CEMIP: variants seen among roughly 807,000 people sequenced by gnomAD.
The protein encoded by CEMIP is cell migration inducing hyaluronidase 1, also known as cell migration-inducing and hyaluronan-binding protein.
In CEMIP, 105 loss-of-function variants were observed where a neutral mutation model predicts 156.9. The observed-to-expected ratio is 0.67, with a 90% CI of 0.57 to 0.79. The LOEUF (loss-of-function observed/expected upper bound fraction) is 0.79, where lower values mean the gene tolerates loss of function less well. Among genes scored for constraint, CEMIP ranks in the 30% least tolerant of loss-of-function variants. CEMIP has a pLI of 0.00. For synonymous variants in CEMIP, 676 were observed against 668.4 expected (o/e 1.01, Z -0.17); for missense variants, 1,457 against 1,769.4 (o/e 0.82, Z 3.17).
intron 25 of CEMIP, among the ~76,000 whole-genome samples, chr15:80,940,986 C>T (rs1440158027): frequency 6.6e-6 from 1 of 152,246 alleles, no homozygotes; most frequent in East Asian, 1.9e-4. Flanking sequence ...GTGGACAAGA[C>T]CTGCTGGGTC....
intron 7 of CEMIP, among the ~76,000 whole-genome samples, chr15:80,886,950 C>G (rs959672457): frequency 6.6e-6 from 1 of 152,162 alleles, no homozygotes; most frequent in African/African-American, 2.4e-5. Context: ...TCAGAAACTC[C>G]TTCCTGCCAT....
In CEMIP at chr15:80,922,346, C is replaced by T. The variant is rs186850897; in HGVS notation, c.2202+209C>T. ...CAAATCTCCTGTGGTGGTTCCTGCA[C>T]GGGCATGGACTGAGAATATGGCCAG... is the stretch of plus-strand genomic sequence containing the variant. On this transcript the variant is annotated intron_variant, in intron 17 of 29. Coordinates refer to ENST00000394685, the MANE Select transcript of CEMIP (RefSeq NM_001293298.2). 2.1e-4 allele frequency among the ~76,000 whole-genome samples: 32 copies of T among 152,338 alleles called. No individual in the cohort carries two copies. In the East Asian group the frequency reaches 4.0e-3, roughly 19 times the overall value.
At chr15:80,886,668 C>T (rs903218397) in intron 7 of CEMIP, among the ~76,000 whole-genome samples, 22 of 152,114 alleles carry the variant, frequency 1.4e-4, no homozygotes, top group African/African-American at 3.1e-4. Context: ...AAGTTTTAAA[C>T]GACATGGGAG....
At chr15:80,938,047 T>G (rs1474626954) in intron 25 of CEMIP, 68 bp downstream of exon 25, 1 of 1,337,264 alleles carries the variant, frequency 7.5e-7, no homozygotes, top group Non-Finnish European at 1.1e-6. Context: ...GCCTTTCCAA[T>G]AAGTCTAAGA....
At chr15:80,872,812 T>TTAATAAAATAAAATAAAA (rs1262514996) in intron 1 of CEMIP, among the ~76,000 whole-genome samples, 9 of 152,172 alleles carry the variant, frequency 5.9e-5, no homozygotes, top group African/African-American at 1.7e-4. Context: ...AGACTCTGTC[T>TTAATAAAATAAAATAAAA]TAATAAAATA....
chr15:80,916,526 C>G (rs1900280943), intron 14 of CEMIP, among the ~76,000 whole-genome samples: 1 of 152,206 alleles, frequency 6.6e-6, no homozygotes, highest in Non-Finnish European at 1.5e-5. Context: ...ACTGAATGGC[C>G]ACCCGTGAAT....
intron 1 of CEMIP, among the ~76,000 whole-genome samples, chr15:80,868,955 A>G (rs1309812260): frequency 6.6e-6 from 1 of 152,196 alleles, no homozygotes; most frequent in Non-Finnish European, 1.5e-5. Context: ...GGCTGCCATA[A>G]CAAAGTAGCA....
At chr15:80,857,345 C>T (rs887218717) in intron 1 of CEMIP, among the ~76,000 whole-genome samples, 58 of 152,232 alleles carry the variant, frequency 3.8e-4, no homozygotes, top group African/African-American at 1.3e-3. Context: ...GGGGCTCATT[C>T]ATGGGCTGCA....
At chr15:80,888,177 A>G (rs1898914313) in intron 8 of CEMIP, among the ~76,000 whole-genome samples, 1 of 152,072 alleles carries the variant, frequency 6.6e-6, no homozygotes, top group South Asian at 2.1e-4. Context: ...ACCCTGGCCA[A>G]TATGGTAAAA....
At chr15:80,791,532 C>T (rs994113696) in intron 1 of CEMIP, among the ~76,000 whole-genome samples, 1 of 152,094 alleles carries the variant, frequency 6.6e-6, no homozygotes, top group African/African-American at 2.4e-5. Flanking sequence ...TGGTTCGAGT[C>T]GCTGCCAACA....
chr15:80,888,666 T>G, intron 8 of CEMIP, 35 bp from the exon 9 acceptor site: 1 of 1,594,498 alleles, frequency 6.3e-7, no homozygotes, highest in East Asian at 2.2e-5. Flanking sequence ...TTTGGGGGTC[T>G]GTCCAGCTCC....
At chr15:80,941,789 G>A (rs773061541) in intron 25 of CEMIP, 60 bp from the exon 26 acceptor site, 5 of 1,475,314 alleles carry the variant, frequency 3.4e-6, no homozygotes, top group Non-Finnish European at 4.7e-6. Flanking sequence ...CGGTGGGTGG[G>A]AGGAGAAGAG....
chr15:80,881,352 G>C (rs560132889), intron 6 of CEMIP, among the ~76,000 whole-genome samples: 3 of 152,196 alleles, frequency 2.0e-5, no homozygotes, highest in Non-Finnish European at 4.4e-5. Context: ...TACATACAAC[G>C]TAGTTTCAGA....
At chr15:80,943,936 A>C (rs1233882516) in intron 28 of CEMIP, among the ~76,000 whole-genome samples, 8 of 152,166 alleles carry the variant, frequency 5.3e-5, no homozygotes, top group Admixed American at 5.2e-4. Context: ...AGTACCTTAC[A>C]AGTCTCCCCA....
At position 80,937,997 on chromosome 15, in the gene CEMIP, T is replaced by G. The variant is rs753673166; in HGVS notation, c.3407+18T>G. 9 of 1,608,422 alleles carry G rather than the reference T, an allele frequency of 5.6e-6. No homozygotes were observed. In the South Asian group the frequency reaches 1.0e-4, roughly 18 times the overall value. On this transcript the variant is annotated intron_variant, in intron 25 of 29. Transcript: ENST00000394685. ...GACTCAGGGTGAGCAGGCGCCCACT[T>G]GGCTGCAGGAAAGTGGCTCAACCTC... is the stretch of plus-strand genomic sequence containing the variant.
chr15:80,919,886 C>T (rs1230933904), intron 14 of CEMIP, among the ~76,000 whole-genome samples: 1 of 152,036 alleles, frequency 6.6e-6, no homozygotes, highest in African/African-American at 2.4e-5. Context: ...TCATCTTCAT[C>T]TCCAAACCTC....
intron 27 of CEMIP, 50 bp from the exon 28 acceptor site, chr15:80,942,895 C>G (rs771888774): frequency 6.2e-7 from 1 of 1,611,034 alleles, no homozygotes; most frequent in South Asian, 1.1e-5. Flanking sequence ...GCAGGAGAAC[C>G]ATGGGGCCTT....
chr15:80,947,015 G>A lies in CEMIP; in HGVS notation c.3908G>A (p.Trp1303Ter). Residue 1303 changes from tryptophan to a stop codon, truncating the protein, a stop_gained, in exon 29 of 30, where the codon TGG (tryptophan) becomes TAG (stop). Coordinates refer to ENST00000394685, the MANE Select transcript of CEMIP (RefSeq NM_001293298.2). LOFTEE classifies it high-confidence loss of function. The stretch of plus-strand genomic sequence containing the variant: ...GGAAGATACGTCTCCAGAGGCCCAT[G>A]GACCAGAGTGCTGGAAAAGCTTGGG... ...SKGRYVSRGP[W>*]TRVLEKLGAD... 3 of 1,614,100 alleles carry A rather than the reference G, an allele frequency of 1.9e-6. No individual in the cohort carries two copies. The highest frequency in any genetic ancestry group is 2.5e-6 in the Non-Finnish European group (3 of 1,179,948).
intron 10 of CEMIP, 94 bp from the exon 11 acceptor site, chr15:80,894,896 A>T: frequency 6.8e-7 from 1 of 1,476,140 alleles, no homozygotes; most frequent in Non-Finnish European, 9.5e-7. Context: ...GGACAATTTT[A>T]GACTTCTGAG....
Sources: allele counts gnomAD v4.1 joint callset (sites outside exome capture counted in the v4.1 genomes callset), GRCh38; gene constraint gnomAD v4.1.1; transcripts MANE v1.5; gene names NCBI Gene and HGNC (gene_info 2026-07-23, HGNC 2026-07-21).